Variants in FRMD7 observed in about 807,000 individuals in gnomAD.
FRMD7 encodes the protein FERM domain containing 7.
Under a neutral mutation model 44.1 loss-of-function variants are expected in FRMD7, and 14 were observed. The observed-to-expected ratio is 0.32, with a 90% CI of 0.21 to 0.50. The LOEUF (loss-of-function observed/expected upper bound fraction) is 0.50. FRMD7 is among the 20% of genes least tolerant of loss of function. The pLI, the probability that FRMD7 is intolerant of heterozygous loss-of-function variation, is 0.99. For missense variants in FRMD7, 501 were observed against 522.3 expected, an observed-to-expected ratio of 0.96 and a Z score of 0.40; for synonymous variants, 212 against 187.4, an observed-to-expected ratio of 1.13 and a Z score of -1.07.
rs180744685 is a variant in FRMD7, at chrX:132,089,311, C to T, written c.383-3277G>A. 6.1e-3 allele frequency among the ~76,000 whole-genome samples: 684 copies of T among 111,669 alleles called. 4 individuals are homozygous for T. The highest frequency in any genetic ancestry group is 0.021 in the African/African-American group (635 of 30,770). On this transcript the variant is annotated intron_variant, in intron 5 of 11. Coordinates refer to ENST00000298542, the MANE Select transcript of FRMD7 (RefSeq NM_194277.3). ...ACATCCACACACAAAAATATGAAGT[C>T]GGACCCCTACCTCACACTATACTCC...
In FRMD7 at chrX:132,097,427, A is replaced by ACC. The variant is rs57806249; in HGVS notation, c.206-85_206-84dup. 897 of 543,319 alleles carry ACC rather than the reference A, an allele frequency of 1.7e-3. 3 individuals are homozygous for ACC. In the African/African-American group the frequency reaches 0.017, roughly 10 times the overall value. 44.8% of individuals were successfully genotyped at this position (543,319 alleles called of 1,213,427 possible). On this transcript the variant is annotated intron_variant, in intron 3 of 11. Coordinates refer to ENST00000298542, the MANE Select transcript of FRMD7 (RefSeq NM_194277.3). The stretch of plus-strand genomic sequence containing the variant: ...TACACACACACACACACACACACAC[A>ACC]CCCACACACACACCGCTCTCCTCTT...
At position 132,077,803 on chromosome X, in the gene FRMD7, C is replaced by A; in HGVS notation, c.*69G>T. ...GTAGTAACCAAGAAAATGGTTTCTACAACTTCATTATTTTCTGCCTAAGTC... is the reference window on the plus strand; with the variant it reads ...GTAGTAACCAAGAAAATGGTTTCTAAAACTTCATTATTTTCTGCCTAAGTC... On this transcript the variant is annotated 3_prime_UTR_variant, in exon 12 of 12. Coordinates refer to ENST00000298542, the MANE Select transcript of FRMD7 (RefSeq NM_194277.3). The A allele has an allele frequency of 8.3e-7, 1 of 1,202,308 alleles. No individual in the cohort carries two copies. The highest frequency in any genetic ancestry group is 1.1e-6 in the Non-Finnish European group (1 of 890,377).
At chrX:132,084,930 G>C (rs1276890909) in intron 7 of FRMD7, among the ~76,000 whole-genome samples, 1 of 111,575 alleles carries the variant, frequency 9.0e-6, no homozygotes, top group Non-Finnish European at 1.9e-5. Flanking sequence ...TCTTTCTCCT[G>C]ACACCCCAAT....
rs1442513249 is a variant in FRMD7 at position 132,078,558 on chromosome X, G to C, written c.1459C>G (p.Gln487Glu). The C allele has an allele frequency of 2.5e-6, 3 of 1,211,704 alleles. No homozygotes were observed. In the Admixed American group the frequency reaches 6.5e-5, roughly 26 times the overall value. The change falls in exon 12 of 12, where the codon CAG becomes GAG. Residue 487 changes from glutamine (Q) to glutamate (E), a missense_variant. Coordinates refer to ENST00000298542, the MANE Select transcript of FRMD7 (RefSeq NM_194277.3). ...DVPYIPCTGQ[Q>E]VGIMPPQVFF... ...ACCTGGGGAGGCATAATACCAACCT[G>C]CTGACCTGTACAAGGAATATAGGGC... is the stretch of plus-strand genomic sequence containing the variant.
chrX:132,112,602 G>A (rs909869929), intron 1 of FRMD7, among the ~76,000 whole-genome samples: 1 of 111,735 alleles, frequency 8.9e-6, no homozygotes, highest in African/African-American at 3.3e-5. Flanking sequence ...AGTTCAAAGT[G>A]CTGCATGTGT....
At chrX:132,087,940 A>G (rs1928046214) in intron 5 of FRMD7, among the ~76,000 whole-genome samples, 1 of 106,268 alleles carries the variant, frequency 9.4e-6, no homozygotes, top group Non-Finnish European at 2.0e-5. Flanking sequence ...AATAAAGGAC[A>G]AAAAAAAAAT....
At chrX:132,121,750 A>G (rs1929039925) in intron 1 of FRMD7, among the ~76,000 whole-genome samples, 1 of 111,854 alleles carries the variant, frequency 8.9e-6, no homozygotes, top group African/African-American at 3.2e-5. Context: ...CAGTAATATT[A>G]TTGTTATTAT....
In FRMD7 at chrX:132,085,931, A is replaced by G. The variant is rs2124224053; in HGVS notation, c.486T>C (p.His162=). Residue 162 remains histidine (H), a synonymous_variant, in exon 6 of 12, where the codon CAT becomes CAC. Coordinates refer to ENST00000298542, the MANE Select transcript of FRMD7 (RefSeq NM_194277.3). ...CTGAAAGTACTTACATGTGCTTCTGATGAAAGTGCATGATCTTGCCCTCTA... is the reference window on the plus strand; with the variant it reads ...CTGAAAGTACTTACATGTGCTTCTGGTGAAAGTGCATGATCTTGCCCTCTA... The part of the protein sequence containing the change: ...DCLEGKIMHF[H]QKHIGRSPAE... 2 of 1,185,790 alleles carry G rather than the reference A, an allele frequency of 1.7e-6. No individual in the cohort carries two copies. The highest frequency in any genetic ancestry group is 2.3e-6 in the Non-Finnish European group (2 of 871,833).
rs147353122 is a variant in FRMD7 at position 132,080,218 on chromosome X, C to A, written c.954G>T (p.Leu318=). 227 of 1,204,369 alleles carry A rather than the reference C, an allele frequency of 1.9e-4. 1 individual carries two copies. The African/African-American group carries it at 3.2e-3, about 17-fold the overall frequency. ...QLLEYGRKGR[L]KSLPFERKHY... ...TGTACCTTTCAAATGGCAAGCTCTT[C>A]AGCCTCCCTTTTCTCCCATATTCCA... The change falls in exon 10 of 12, where the codon CTG becomes CTT. Residue 318 remains leucine, a synonymous_variant. Coordinates refer to ENST00000298542, the MANE Select transcript of FRMD7 (RefSeq NM_194277.3).
chrX:132,105,150 C>T (rs1340938012), intron 1 of FRMD7, among the ~76,000 whole-genome samples: 1 of 111,112 alleles, frequency 9.0e-6, no homozygotes, highest in Non-Finnish European at 1.9e-5. Flanking sequence ...TGGAAATCAT[C>T]GATGACAGAT....
chrX:132,106,006 A>G (rs1341755937), intron 1 of FRMD7, among the ~76,000 whole-genome samples: 1 of 112,228 alleles, frequency 8.9e-6, no homozygotes, highest in Admixed American at 9.5e-5. Flanking sequence ...AAAAATTGAC[A>G]AGTGAGATCT....
chrX:132,118,564 C>T (rs1320118906), intron 1 of FRMD7, among the ~76,000 whole-genome samples: 1 of 111,666 alleles, frequency 9.0e-6, no homozygotes, highest in South Asian at 3.8e-4. Context: ...TCTCCCAGTG[C>T]GCATGTGGGC....
chrX:132,095,537 G>A (rs759712186), intron 4 of FRMD7, among the ~76,000 whole-genome samples: 1 of 112,055 alleles, frequency 8.9e-6, no homozygotes, highest in Non-Finnish European at 1.9e-5. Flanking sequence ...AAAATTAATC[G>A]CAAGTGATAT....
intron 1 of FRMD7, among the ~76,000 whole-genome samples, chrX:132,101,803 C>A (rs1424153928): frequency 9.0e-6 from 1 of 111,613 alleles, no homozygotes; most frequent in Non-Finnish European, 1.9e-5. Context: ...AGAACAGGAG[C>A]TTTGAAGAGC....
At position 132,097,191 on chromosome X, in the gene FRMD7, G is replaced by A. The variant is rs1928362929; in HGVS notation, c.284+75C>T. 7 of 768,890 alleles carry A rather than the reference G, an allele frequency of 9.1e-6. No homozygotes were observed. In the Admixed American group the frequency reaches 1.5e-4, roughly 17 times the overall value. 63.4% of individuals were successfully genotyped at this position (768,890 alleles called of 1,213,427 possible). On this transcript the variant is annotated intron_variant, in intron 4 of 11. Coordinates refer to ENST00000298542, the MANE Select transcript of FRMD7 (RefSeq NM_194277.3). ...CCAAGTTTTGTGAGAATGGCCAGAAGCACTTGCCCCCAATAAATGGAGAAT... is the reference window on the plus strand; with the variant it reads ...CCAAGTTTTGTGAGAATGGCCAGAAACACTTGCCCCCAATAAATGGAGAAT...
At chrX:132,103,486 G>A (rs1418907697) in intron 1 of FRMD7, among the ~76,000 whole-genome samples, 2 of 98,343 alleles carry the variant, frequency 2.0e-5, no homozygotes, top group Non-Finnish European at 4.1e-5. Context: ...GCCTTTAAAT[G>A]TCTATCTATC....
At chrX:132,126,484 A>G (rs2124043194) in intron 1 of FRMD7, among the ~76,000 whole-genome samples, 1 of 111,564 alleles carries the variant, frequency 9.0e-6, no homozygotes, top group Non-Finnish European at 1.9e-5. Flanking sequence ...CCTCCACCCC[A>G]TTTAAATGGA....
At chrX:132,088,571 G>A (rs1407258101) in intron 5 of FRMD7, among the ~76,000 whole-genome samples, 4 of 105,740 alleles carry the variant, frequency 3.8e-5, no homozygotes, top group African/African-American at 6.9e-5. Context: ...AAAAAAAAAA[G>A]GAAAAAAAGG....
At position 132,085,402 on chromosome X, in the gene FRMD7, T is replaced by C. The variant is rs1422198534; in HGVS notation, c.645+179A>G. On this transcript the variant is annotated intron_variant, in intron 7 of 11. Coordinates refer to ENST00000298542, the MANE Select transcript of FRMD7 (RefSeq NM_194277.3). Reference sequence around the variant, plus strand: ...TATCCATTCCCTGCAGTTAACTATGTTTATTAGTTTGTCATGTATACTTTT... The same window carrying C: ...TATCCATTCCCTGCAGTTAACTATGCTTATTAGTTTGTCATGTATACTTTT... Among the ~76,000 whole-genome samples, 12 of 112,100 alleles carry C rather than the reference T, an allele frequency of 1.1e-4. No individual in the cohort carries two copies. The Admixed American group carries it at 1.1e-3, about 11-fold the overall frequency.
Sources: gnomAD v4.1 joint callset for allele counts (sites outside exome capture counted in the v4.1 genomes callset) on GRCh38, gnomAD v4.1.1 for gene constraint, MANE v1.5 for transcripts, NCBI Gene and HGNC (gene_info 2026-07-23, HGNC 2026-07-21) for gene names.